Variants in RBM27 observed in about 807,000 individuals in gnomAD.
The protein encoded by RBM27 is RNA binding motif protein 27, also known as RNA-binding protein 27.
In RBM27, 22 loss-of-function variants were observed where a neutral mutation model predicts 135.3. The observed-to-expected ratio is 0.16, with a 90% CI of 0.12 to 0.23. The LOEUF (loss-of-function observed/expected upper bound fraction) is 0.23. Among genes scored for constraint, RBM27 ranks in the 10% least tolerant of loss-of-function variants. RBM27 has a pLI of 1.00. For synonymous variants in RBM27, 481 were observed against 442.4 expected (o/e 1.09, Z -1.10); for missense variants, 1,009 against 1,281.0 (o/e 0.79, Z 3.24).
intron 3 of RBM27, among the ~76,000 whole-genome samples, chr5:146,224,604 C>T (rs937594263): frequency 3.9e-5 from 6 of 152,032 alleles, no homozygotes; most frequent in Admixed American, 1.3e-4. Context: ...ATCGCTTGAA[C>T]CCGGGCAGTG....
intron 8 of RBM27, among the ~76,000 whole-genome samples, chr5:146,238,078 T>C (rs1425192282): frequency 6.6e-6 from 1 of 152,200 alleles, no homozygotes; most frequent in East Asian, 1.9e-4. Flanking sequence ...AAGATGTATC[T>C]CCTAAGAAGT....
chr5:146,211,464 CTTTTTTTTTTT>C (rs57117642), intron 1 of RBM27, among the ~76,000 whole-genome samples: 63 of 49,926 alleles, frequency 1.3e-3, no homozygotes, highest in Admixed American at 4.7e-3. Flanking sequence ...ATGGTCTTAT[CTTTTTTTTTTT>C]TTTTTTTTTT....
intron 8 of RBM27, among the ~76,000 whole-genome samples, chr5:146,239,146 A>T (rs534156664): frequency 1.3e-5 from 2 of 152,236 alleles, no homozygotes; most frequent in Non-Finnish European, 2.9e-5. Flanking sequence ...AAACCTTCAC[A>T]GGACTGACTC....
At chr5:146,241,134 CATG>C (rs1312897036) in intron 8 of RBM27, among the ~76,000 whole-genome samples, 1 of 151,528 alleles carries the variant, frequency 6.6e-6, no homozygotes, top group Non-Finnish European at 1.5e-5. Context: ...TATTATGACT[CATG>C]ATAAAAATTC....
intron 1 of RBM27, among the ~76,000 whole-genome samples, chr5:146,211,726 C>T: frequency 6.6e-6 from 1 of 151,626 alleles, no homozygotes. Flanking sequence ...GGTAATCCGC[C>T]CCTGGGATTA....
chr5:146,204,224 T>C (rs550703433), intron 1 of RBM27, among the ~76,000 whole-genome samples: 1 of 152,198 alleles, frequency 6.6e-6, no homozygotes, highest in South Asian at 2.1e-4. Flanking sequence ...ATATCAAGGG[T>C]TTGATAAACA....
At position 146,271,559 on chromosome 5, in the gene RBM27, G is replaced by T; in HGVS notation, c.2873G>T (p.Arg958Leu). 2 of 1,613,614 alleles carry T rather than the reference G, an allele frequency of 1.2e-6. No individual in the cohort carries two copies. The highest frequency in any genetic ancestry group is 1.3e-5 in the African/African-American group (1 of 75,040). ...CAAGGTCGAGGAAGAGGCCGAGGGCGTGGAGGAAGAGGAAGGGGCTCACTA... is the reference window on the plus strand; with the variant it reads ...CAAGGTCGAGGAAGAGGCCGAGGGCTTGGAGGAAGAGGAAGGGGCTCACTA... ...SSQGRGRGRG[R>L]GGRGRGSLNH... Residue 958 changes from arginine (R) to leucine (L), a missense_variant, in exon 19 of 21, where the codon CGT becomes CTT. Physicochemically the swap from Arg to Leu is moderately radical, Grantham distance 102. Coordinates refer to ENST00000265271, the MANE Select transcript of RBM27 (RefSeq NM_018989.2).
In RBM27 at chr5:146,233,452, A is replaced by G. The variant is rs1757024375; in HGVS notation, c.853A>G (p.Arg285Gly). The G allele has an allele frequency of 2.0e-6, 3 of 1,538,182 alleles. No individual in the cohort carries two copies. Among genetic ancestry groups the G allele is most frequent in the Non-Finnish European group, 2.6e-6 (3 of 1,142,944 alleles). The change falls in exon 7 of 21, where the codon AGA becomes GGA. Residue 285 changes from arginine (R) to glycine (G), a missense_variant and splice_region_variant. Transcript: ENST00000265271. ...PKRRCRDYDE[R>G]GFCVLGDLCQ... ...TTTTTTTATTCTTTATTCCACAGAA[A>G]GAGGATTTTGTGTACTTGGTGACCT...
chr5:146,265,673 G>C (rs1415544827), intron 14 of RBM27, among the ~76,000 whole-genome samples: 1 of 152,194 alleles, frequency 6.6e-6, no homozygotes, highest in Non-Finnish European at 1.5e-5. Context: ...TATTCCTAAT[G>C]TGATATACCC....
chr5:146,231,125 G>A (rs1386230676), intron 6 of RBM27, among the ~76,000 whole-genome samples: 7 of 152,030 alleles, frequency 4.6e-5, no homozygotes, highest in Admixed American at 6.6e-5. Flanking sequence ...GGGTTCAAGC[G>A]ATTCTCCTTC....
chr5:146,236,167 G>A (rs916102479), intron 7 of RBM27, among the ~76,000 whole-genome samples: 1 of 152,124 alleles, frequency 6.6e-6, no homozygotes, highest in Admixed American at 6.5e-5. Context: ...CATTTCTCCC[G>A]ACATTTTGCT....
At chr5:146,242,465 A>C (rs1348345498) in intron 8 of RBM27, among the ~76,000 whole-genome samples, 1 of 152,240 alleles carries the variant, frequency 6.6e-6, no homozygotes, top group Non-Finnish European at 1.5e-5. Context: ...ATGCAGAGAA[A>C]TATGTGGTTT....
intron 1 of RBM27, among the ~76,000 whole-genome samples, chr5:146,211,363 T>C (rs1309002576): frequency 6.6e-6 from 1 of 151,580 alleles, no homozygotes; most frequent in Non-Finnish European, 1.5e-5. Context: ...AGTTTTCATT[T>C]GAAAAAAAGT....
In RBM27 at chr5:146,233,317, A is replaced by G. The variant is rs1296744846; in HGVS notation, c.851-133A>G. Reference sequence around the variant, plus strand: ...GATATGTGATGCTTAACAGAGTAACACTGAGACTTTGGATTCCTTGGAGAA... The same window carrying G: ...GATATGTGATGCTTAACAGAGTAACGCTGAGACTTTGGATTCCTTGGAGAA... On this transcript the variant is annotated intron_variant, in intron 6 of 20. Coordinates refer to ENST00000265271, the MANE Select transcript of RBM27 (RefSeq NM_018989.2). 3.6e-5 allele frequency: 51 copies of G among 1,398,450 alleles called. 1 individual carries two copies. Among genetic ancestry groups the G allele is most frequent in the Non-Finnish European group, 4.5e-5 (48 of 1,062,488 alleles). The allele number at this position is 1,398,450 out of a possible 1,614,324, so 86.6% of individuals were successfully genotyped here. A position where few individuals can be genotyped will look rare whatever the true frequency, so the allele number is the denominator to read the frequency against.
chr5:146,254,891 G>T, intron 9 of RBM27, 52 bp from the exon 10 acceptor site: 1 of 1,408,430 alleles, frequency 7.1e-7, no homozygotes, highest in African/African-American at 1.5e-5. Flanking sequence ...ATGAGAGATG[G>T]TTTAACCTCT....
chr5:146,233,306 A>C, intron 6 of RBM27, 144 bp from the exon 7 acceptor site: 1 of 1,305,922 alleles, frequency 7.7e-7, no homozygotes, highest in Non-Finnish European at 1.0e-6. Context: ...TGTGATGCTT[A>C]ACAGAGTAAC....
chr5:146,205,379 G>T (rs1457392562), intron 1 of RBM27, among the ~76,000 whole-genome samples: 1 of 152,176 alleles, frequency 6.6e-6, no homozygotes, highest in Non-Finnish European at 1.5e-5. Flanking sequence ...GAGATGGGCA[G>T]GCTTTGATTC....
intron 13 of RBM27, among the ~76,000 whole-genome samples, chr5:146,262,172 G>A (rs1456809358): frequency 6.6e-6 from 1 of 152,156 alleles, no homozygotes. Flanking sequence ...TGTAGAGTCA[G>A]TCTCTAGATA....
In RBM27 at chr5:146,271,689, T is replaced by C. The variant is rs746143156; in HGVS notation, c.2988+15T>C. On this transcript the variant is annotated intron_variant, in intron 19 of 20. Transcript: ENST00000265271. ...AGCATTTCTCAGTAAGTTTTTAAAA[T>C]AGCAAATGCTAACTGTAAAAACACT... is the stretch of plus-strand genomic sequence containing the variant. 6.3e-7 allele frequency: 1 copy of C among 1,588,494 alleles called. No homozygotes were observed. Among genetic ancestry groups the C allele is most frequent in the South Asian group, 1.1e-5 (1 of 90,430 alleles).
Sources: allele counts gnomAD v4.1 joint callset (sites outside exome capture counted in the v4.1 genomes callset), GRCh38; gene constraint gnomAD v4.1.1; transcripts MANE v1.5; gene names NCBI Gene and HGNC (gene_info 2026-07-23, HGNC 2026-07-21).